CDK17: variants seen among roughly 807,000 people sequenced by gnomAD.
CDK17 encodes the protein cyclin dependent kinase 17.
Under a neutral mutation model 77.6 loss-of-function variants are expected in CDK17, and 24 were observed. That is an observed-to-expected ratio of 0.31 (90% CI 0.22 to 0.44). The LOEUF (loss-of-function observed/expected upper bound fraction) is 0.44. Ranked by LOEUF, CDK17 falls within the 20% of genes least tolerant of loss-of-function variation. The pLI is 1.00. For missense variants in CDK17, 429 were observed against 622.5 expected, an observed-to-expected ratio of 0.69 and a Z score of 3.31; for synonymous variants, 203 against 210.4, an observed-to-expected ratio of 0.96 and a Z score of 0.30.
At chr12:96,356,077 T>A (rs1430692270) in intron 1 of CDK17, among the ~76,000 whole-genome samples, 1 of 152,108 alleles carries the variant, frequency 6.6e-6, no homozygotes, top group East Asian at 1.9e-4. Context: ...TAGGAGGCAT[T>A]AAGGGCAAAA....
chr12:96,371,771 C>G (rs1953697895), intron 1 of CDK17, among the ~76,000 whole-genome samples: 1 of 152,108 alleles, frequency 6.6e-6, no homozygotes, highest in South Asian at 2.1e-4. Context: ...TTTCATTTCC[C>G]TTCAAAAATA....
At position 96,298,915 on chromosome 12, in the gene CDK17, G is replaced by C. The variant is rs772514443; in HGVS notation, c.669C>G (p.Ile223Met). ...GTGCACCTTCTTCATGTTCCAATCG[G>C]ATCTCTTTTAATGCCACCAAATTCT... ...LTENLVALKE[I>M]RLEHEEGAPC... The change falls in exon 7 of 17, where the codon ATC (isoleucine) becomes ATG (methionine). Residue 223 changes from isoleucine to methionine, a missense_variant. Physicochemically the swap from Ile to Met is conservative, Grantham distance 10. This residue lies in a region of CDK17 where 262 missense variants were observed against 385.4 expected (regional missense o/e 0.68). Coordinates refer to ENST00000261211, the MANE Select transcript of CDK17 (RefSeq NM_002595.5). 6.8e-6 allele frequency: 11 copies of C among 1,610,480 alleles called. No individual in the cohort carries two copies. The highest frequency in any genetic ancestry group is 2.2e-5 in the South Asian group (2 of 90,982).
At chr12:96,352,049 T>C (rs887984344) in intron 1 of CDK17, among the ~76,000 whole-genome samples, 2 of 152,158 alleles carry the variant, frequency 1.3e-5, no homozygotes, top group Non-Finnish European at 2.9e-5. Context: ...GCTGGGATCA[T>C]GGTGAAAGGA....
At chr12:96,399,089 T>A (rs1954216602) in intron 1 of CDK17, 1 of 152,078 alleles carries the variant, frequency 6.6e-6, no homozygotes. Context: ...AAAATACTGC[T>A]TACCCGAAAA....
intron 1 of CDK17, among the ~76,000 whole-genome samples, chr12:96,394,968 C>T (rs1954144820): frequency 6.6e-6 from 1 of 151,634 alleles, no homozygotes; most frequent in Non-Finnish European, 1.5e-5. Flanking sequence ...CTCTGCCTCC[C>T]AAGTTCAAGC....
chr12:96,322,799 CTT>C (rs1212292972), intron 3 of CDK17, among the ~76,000 whole-genome samples: 8 of 152,084 alleles, frequency 5.3e-5, no homozygotes, highest in African/African-American at 1.9e-4. Context: ...TATTTGTAAA[CTT>C]ATATAATTTA....
At chr12:96,337,909 T>A (rs1387991694) in intron 1 of CDK17, among the ~76,000 whole-genome samples, 1 of 152,222 alleles carries the variant, frequency 6.6e-6, no homozygotes, top group Non-Finnish European at 1.5e-5. Flanking sequence ...TGTGAGAGGC[T>A]CCTGGGAGAT....
At chr12:96,377,819 A>G (rs12810767) in intron 1 of CDK17, among the ~76,000 whole-genome samples, 3 of 148,330 alleles carry the variant, frequency 2.0e-5, no homozygotes, top group Non-Finnish European at 4.4e-5. Context: ...TCAGCCTCCC[A>G]AGTAGCTGAG....
At chr12:96,280,402 TCAGCACTGTCTTAAATGACC>T in intron 16 of CDK17, 123 bp from the exon 17 acceptor site, 1 of 1,482,912 alleles carries the variant, frequency 6.7e-7, no homozygotes, top group Non-Finnish European at 9.0e-7. Context: ...GTAAGAGTGA[TCAGCACTGTCTTAAATGACC>T]CTTCTGTTGA....
chr12:96,355,618 G>C (rs1263218759), intron 1 of CDK17, among the ~76,000 whole-genome samples: 2 of 151,988 alleles, frequency 1.3e-5, no homozygotes, highest in Admixed American at 6.6e-5. Flanking sequence ...ATGTTGGCGA[G>C]GATGGTCTCC....
chr12:96,362,044 T>C (rs1487689067), intron 1 of CDK17, among the ~76,000 whole-genome samples: 1 of 152,196 alleles, frequency 6.6e-6, no homozygotes, highest in African/African-American at 2.4e-5. Flanking sequence ...AATATTTATC[T>C]TGAAACAAAC....
chr12:96,293,328 GTGTC>G (rs1230305952), intron 10 of CDK17, among the ~76,000 whole-genome samples: 1 of 152,074 alleles, frequency 6.6e-6, no homozygotes, highest in Non-Finnish European at 1.5e-5. Flanking sequence ...CTGAGCCACT[GTGTC>G]TGGCCTAAAG....
intron 1 of CDK17, among the ~76,000 whole-genome samples, chr12:96,377,682 GTTTTTTTTTTTCGT>G (rs1269402731): frequency 1.4e-5 from 2 of 138,586 alleles, no homozygotes; most frequent in South Asian, 2.4e-4. Flanking sequence ...TACAGAAGCA[GTTTTTTTTTTTCGT>G]TTTTTTTTTT....
intron 15 of CDK17, 147 bp downstream of exon 15, chr12:96,282,362 C>T (rs1175131958): frequency 6.9e-6 from 4 of 577,972 alleles, no homozygotes; most frequent in East Asian, 5.7e-5. Flanking sequence ...ATAAGACACA[C>T]ACCTCCCTTC....
At chr12:96,339,263 C>T (rs1953089669) in intron 1 of CDK17, among the ~76,000 whole-genome samples, 1 of 152,128 alleles carries the variant, frequency 6.6e-6, no homozygotes, top group African/African-American at 2.4e-5. Context: ...CTATCCAAAA[C>T]TGTAGCCAAC....
chr12:96,329,876 G>A (rs1565822480), intron 2 of CDK17, among the ~76,000 whole-genome samples: 1 of 152,126 alleles, frequency 6.6e-6, no homozygotes, highest in Non-Finnish European at 1.5e-5. Context: ...GTGTACAAAC[G>A]GAGCTGTTAA....
intron 1 of CDK17, chr12:96,399,471 A>T: frequency 6.6e-6 from 1 of 152,090 alleles, no homozygotes; most frequent in East Asian, 1.9e-4. Flanking sequence ...GCACAGCGCC[A>T]GCGTCTCCAA....
At chr12:96,388,772 G>T (rs766891537) in intron 1 of CDK17, among the ~76,000 whole-genome samples, 2 of 152,158 alleles carry the variant, frequency 1.3e-5, no homozygotes, top group African/African-American at 2.4e-5. Flanking sequence ...GGTTCTGCAA[G>T]CTGTACAAGC....
rs890837096 is a variant in CDK17 at position 96,278,373 on chromosome 12, G to A, written c.*1869C>T. On this transcript the variant is annotated 3_prime_UTR_variant, in exon 17 of 17. Coordinates refer to ENST00000261211, the MANE Select transcript of CDK17 (RefSeq NM_002595.5). ...GTGACAAATTTGATACTTTATAATT[G>A]AGAGTGCTATAAAAAAAACCCAGCA... 2.6e-5 allele frequency: 4 copies of A among 151,986 alleles called. No individual in the cohort carries two copies. The highest frequency in any genetic ancestry group is 2.0e-4 in the Admixed American group (3 of 15,258). 9.4% of individuals were successfully genotyped at this position (151,986 alleles called of 1,614,324 possible). A position where few individuals can be genotyped will look rare whatever the true frequency, so the allele number is the denominator to read the frequency against.
Sources: gnomAD v4.1 joint callset for allele counts (sites outside exome capture counted in the v4.1 genomes callset) on GRCh38, gnomAD v4.1.1 for gene constraint, gnomAD v4.1.1 regional missense constraint, MANE v1.5 for transcripts, NCBI Gene and HGNC (gene_info 2026-07-23, HGNC 2026-07-21) for gene names.